AOAH: variants seen among roughly 807,000 people sequenced by gnomAD.
AOAH encodes acyloxyacyl hydrolase.
In AOAH, 64 loss-of-function variants were observed where a neutral mutation model predicts 92.2. The observed-to-expected ratio is 0.69, with a 90% CI of 0.57 to 0.86. The LOEUF is 0.86. Ranked by LOEUF, AOAH falls within the 40% of genes least tolerant of loss-of-function variation. The probability of loss-of-function intolerance (pLI) is 0.00; values close to 1 mark genes in which losing one functional copy is unlikely to be tolerated. For synonymous variants in AOAH, 263 were observed against 254.5 expected (o/e 1.03, Z -0.32); for missense variants, 656 against 694.6 (o/e 0.94, Z 0.62).
chr7:36,642,131 C>T (rs1400304636), intron 4 of AOAH, among the ~76,000 whole-genome samples: 1 of 152,062 alleles, frequency 6.6e-6, no homozygotes, highest in Non-Finnish European at 1.5e-5. Flanking sequence ...GAAAAAGAGT[C>T]ATTGCAGGTG....
chr7:36,699,017 A>G (rs1584143442), intron 1 of AOAH, among the ~76,000 whole-genome samples: 1 of 150,524 alleles, frequency 6.6e-6, no homozygotes, highest in African/African-American at 2.4e-5. Context: ...TATGAGATCC[A>G]TTTTTTTTTA....
chr7:36,656,555 G>C (rs1794904466), intron 4 of AOAH, among the ~76,000 whole-genome samples: 1 of 152,058 alleles, frequency 6.6e-6, no homozygotes, highest in South Asian at 2.1e-4. Context: ...CTCTACTACA[G>C]ACAGAGGAGG....
At chr7:36,645,607 T>C (rs7794818) in intron 4 of AOAH, among the ~76,000 whole-genome samples, 61,984 of 151,972 alleles carry the variant, frequency 0.41, 13,605 homozygotes, top group African/African-American at 0.56. Context: ...AGGTCTGTTA[T>C]TAAATCTGCA....
chr7:36,721,553 C>G (rs1049409725), intron 1 of AOAH, among the ~76,000 whole-genome samples: 1 of 152,212 alleles, frequency 6.6e-6, no homozygotes, highest in South Asian at 2.1e-4. Context: ...CTGGACTCCT[C>G]TTGCACCCAC....
chr7:36,597,133 G>A (rs1224820150), intron 11 of AOAH, among the ~76,000 whole-genome samples: 4 of 152,036 alleles, frequency 2.6e-5, no homozygotes, highest in Non-Finnish European at 4.4e-5. Context: ...AGGAAGTATG[G>A]CGTCCTGGGA....
chr7:36,653,523 C>T (rs1400013184), intron 4 of AOAH, among the ~76,000 whole-genome samples: 1 of 152,122 alleles, frequency 6.6e-6, no homozygotes, highest in African/African-American at 2.4e-5. Flanking sequence ...AATATGATTC[C>T]CTGTGCATAC....
intron 18 of AOAH, 161 bp from the exon 19 acceptor site, chr7:36,530,675 G>A (rs908012684): frequency 4.3e-5 from 24 of 559,534 alleles, no homozygotes; most frequent in African/African-American, 3.6e-4. Flanking sequence ...TTCTAGTCAC[G>A]TACAAATGGC....
Position 36,663,714 on chromosome 7 carries a change from G to A in AOAH, c.291-4449C>T, listed in dbSNP as rs114027307. The stretch of plus-strand genomic sequence containing the variant: ...GTACCACAATTTGTTTATATGATTG[G>A]ACATTGTGGCTGCTTCCAGTCTTTG... On this transcript the variant is annotated intron_variant, in intron 3 of 20. Transcript: ENST00000617537. 8.1e-3 allele frequency among the ~76,000 whole-genome samples: 1,233 copies of A among 152,164 alleles called. 17 individuals carry two copies. Among genetic ancestry groups the A allele is most frequent in the African/African-American group, 0.028 (1,150 of 41,526 alleles).
At chr7:36,635,611 A>C (rs1041254156) in intron 5 of AOAH, among the ~76,000 whole-genome samples, 1 of 152,192 alleles carries the variant, frequency 6.6e-6, no homozygotes, top group African/African-American at 2.4e-5. Context: ...TTGTAACTGC[A>C]CAGGTTGTCC....
chr7:36,549,103 G>A (rs1297627140), intron 14 of AOAH, among the ~76,000 whole-genome samples: 2 of 152,170 alleles, frequency 1.3e-5, no homozygotes, highest in Non-Finnish European at 2.9e-5. Context: ...GAGGCTTCCA[G>A]TCAGGACACC....
chr7:36,599,484 TACCTGCATTAG>T, intron 11 of AOAH, among the ~76,000 whole-genome samples: 1 of 152,368 alleles, frequency 6.6e-6, no homozygotes, highest in African/African-American at 2.4e-5. Flanking sequence ...CTATTACATG[TACCTGCATTAG>T]ACCTGAATGG....
At chr7:36,633,612 A>T (rs1173977129) in intron 5 of AOAH, among the ~76,000 whole-genome samples, 1 of 152,172 alleles carries the variant, frequency 6.6e-6, no homozygotes, top group Non-Finnish European at 1.5e-5. Context: ...GGCAGAATGC[A>T]GTGAACCATG....
At chr7:36,689,646 A>AT in intron 1 of AOAH, among the ~76,000 whole-genome samples, 1 of 152,288 alleles carries the variant, frequency 6.6e-6, no homozygotes, top group East Asian at 1.9e-4. Context: ...GGAAGATGTG[A>AT]TTTTGGAGAG....
At chr7:36,652,763 C>T (rs1483971930) in intron 4 of AOAH, among the ~76,000 whole-genome samples, 2 of 152,166 alleles carry the variant, frequency 1.3e-5, no homozygotes, top group African/African-American at 4.8e-5. Context: ...ATTTTACCGA[C>T]GTACTTAACC....
chr7:36,638,443 T>A (rs1793674519), intron 4 of AOAH, among the ~76,000 whole-genome samples: 1 of 152,216 alleles, frequency 6.6e-6, no homozygotes, highest in Non-Finnish European at 1.5e-5. Flanking sequence ...AGATCTCCTG[T>A]CCTCTTTCAA....
intron 19 of AOAH, among the ~76,000 whole-genome samples, chr7:36,530,016 T>C (rs987355590): frequency 6.6e-6 from 1 of 152,224 alleles, no homozygotes; most frequent in Non-Finnish European, 1.5e-5. Flanking sequence ...CCTGAGTCCC[T>C]GGGTATTTCA....
intron 12 of AOAH, among the ~76,000 whole-genome samples, chr7:36,589,562 T>A (rs1215379794): frequency 6.6e-6 from 1 of 152,208 alleles, no homozygotes; most frequent in Non-Finnish European, 1.5e-5. Flanking sequence ...CGTCATAAAG[T>A]AGGATCATGT....
intron 1 of AOAH, 74 bp from the exon 2 acceptor site, chr7:36,686,868 ATGCG>A (rs984796386): frequency 1.8e-5 from 16 of 885,438 alleles, no homozygotes; most frequent in African/African-American, 1.8e-4. Flanking sequence ...GAAAGAAAGG[ATGCG>A]TGTGTGTGTG....
intron 20 of AOAH, among the ~76,000 whole-genome samples, chr7:36,515,892 A>C (rs1357931864): frequency 2.6e-5 from 3 of 116,264 alleles, no homozygotes; most frequent in Admixed American, 1.8e-4. Context: ...CACCATGCAC[A>C]CCACACCCCT....
Sources: gnomAD v4.1 joint callset for allele counts (sites outside exome capture counted in the v4.1 genomes callset) on GRCh38, gnomAD v4.1.1 for gene constraint, MANE v1.5 for transcripts, NCBI Gene and HGNC (gene_info 2026-07-23, HGNC 2026-07-21) for gene names.